Variants in TOM1L2 observed in about 807,000 individuals in gnomAD.
TOM1L2 encodes target of myb1 like 2 membrane trafficking protein.
A neutral mutation model predicts 67.9 loss-of-function variants in TOM1L2; 31 were observed. The observed-to-expected ratio is 0.46, with a 90% CI of 0.34 to 0.62. The LOEUF is 0.62. Among genes scored for constraint, TOM1L2 ranks in the 20% least tolerant of loss-of-function variants. The pLI is 0.01. For synonymous variants in TOM1L2, 256 were observed against 254.0 expected, an observed-to-expected ratio of 1.01 and a Z score of -0.07; for missense variants, 606 against 663.5, an observed-to-expected ratio of 0.91 and a Z score of 0.95.
chr17:17,888,127 T>A (rs1051221369), intron 4 of TOM1L2, among the ~76,000 whole-genome samples: 9 of 152,182 alleles, frequency 5.9e-5, no homozygotes, highest in African/African-American at 2.2e-4. Context: ...GAAAGCAAAG[T>A]GATGCAGCGG....
At chr17:17,965,138 G>C (rs2041830104) in intron 1 of TOM1L2, among the ~76,000 whole-genome samples, 1 of 151,800 alleles carries the variant, frequency 6.6e-6, no homozygotes, top group Admixed American at 6.6e-5. Flanking sequence ...TCATGGTAGA[G>C]AGAATGATCT....
chr17:17,971,036 A>T (rs2042053216), intron 1 of TOM1L2, among the ~76,000 whole-genome samples: 1 of 152,050 alleles, frequency 6.6e-6, no homozygotes, highest in Non-Finnish European at 1.5e-5. Flanking sequence ...CTTTACCTAC[A>T]CTTTGGGCTT....
intron 4 of TOM1L2, among the ~76,000 whole-genome samples, chr17:17,889,543 G>A (rs997812672): frequency 4.6e-5 from 7 of 152,198 alleles, no homozygotes; most frequent in Admixed American, 4.6e-4. Flanking sequence ...GCTTTGGCCA[G>A]CAGCTGGTAA....
At chr17:17,967,333 G>A (rs1464042292) in intron 1 of TOM1L2, among the ~76,000 whole-genome samples, 2 of 152,202 alleles carry the variant, frequency 1.3e-5, no homozygotes, top group Non-Finnish European at 2.9e-5. Flanking sequence ...ACTACTCACT[G>A]ATCTTTGAAT....
chr17:17,922,162 A>T (rs1410019199), intron 1 of TOM1L2, among the ~76,000 whole-genome samples: 1 of 152,210 alleles, frequency 6.6e-6, no homozygotes, highest in Non-Finnish European at 1.5e-5. Flanking sequence ...CATCCAGGAC[A>T]CAGGGCACAG....
At chr17:17,912,351 G>C (rs2039411803) in intron 1 of TOM1L2, among the ~76,000 whole-genome samples, 3 of 152,226 alleles carry the variant, frequency 2.0e-5, no homozygotes, top group South Asian at 4.1e-4. Context: ...TTCCCAGACG[G>C]GGTGGCTGCC....
At chr17:17,872,156 A>G in intron 7 of TOM1L2, 1 of 487,178 alleles carries the variant, frequency 2.1e-6, no homozygotes, top group Non-Finnish European at 2.7e-6. Context: ...AACACAGGGG[A>G]AACACTCATT....
intron 7 of TOM1L2, among the ~76,000 whole-genome samples, chr17:17,871,428 G>T (rs1046407423): frequency 4.0e-5 from 6 of 151,694 alleles, no homozygotes; most frequent in Non-Finnish European, 7.4e-5. Flanking sequence ...CCAGCACTTT[G>T]GGAGGCCGAG....
At chr17:17,891,604 G>A (rs1308991530) in intron 4 of TOM1L2, among the ~76,000 whole-genome samples, 2 of 152,168 alleles carry the variant, frequency 1.3e-5, no homozygotes, top group African/African-American at 2.4e-5. Flanking sequence ...TGCTGGGCCC[G>A]CCACCCTGCA....
At chr17:17,900,864 T>G (rs1389153990) in intron 2 of TOM1L2, among the ~76,000 whole-genome samples, 1 of 152,254 alleles carries the variant, frequency 6.6e-6, no homozygotes, top group East Asian at 1.9e-4. Flanking sequence ...CAGCATGGAC[T>G]GATTTCCTCT....
intron 12 of TOM1L2, among the ~76,000 whole-genome samples, chr17:17,852,461 C>T (rs912465083): frequency 1.3e-5 from 2 of 152,168 alleles, no homozygotes; most frequent in Non-Finnish European, 2.9e-5. Context: ...AACTTCGGAC[C>T]CAATGTGGGA....
intron 1 of TOM1L2, among the ~76,000 whole-genome samples, chr17:17,940,404 A>G (rs2079969948): frequency 6.6e-6 from 1 of 152,114 alleles, no homozygotes; most frequent in South Asian, 2.1e-4. Flanking sequence ...GAAAAGTATG[A>G]TAACTTGTCC....
chr17:17,930,780 G>A (rs1158174985), intron 1 of TOM1L2, among the ~76,000 whole-genome samples: 1 of 152,218 alleles, frequency 6.6e-6, no homozygotes, highest in Non-Finnish European at 1.5e-5. Context: ...GAACCAGAGA[G>A]ATAAGACAGT....
intron 1 of TOM1L2, among the ~76,000 whole-genome samples, chr17:17,962,862 G>A (rs2041743357): frequency 1.3e-5 from 2 of 151,984 alleles, no homozygotes; most frequent in African/African-American, 4.8e-5. Context: ...TTGGGAGGCT[G>A]AGGCAGGAGA....
In TOM1L2 at chr17:17,846,032, G is replaced by C. The variant is rs963711216; in HGVS notation, c.*1603C>G. The C allele has an allele frequency of 6.6e-6, 1 of 152,308 alleles. No individual in the cohort carries two copies. Among genetic ancestry groups the C allele is most frequent in the East Asian group, 1.9e-4 (1 of 5,202 alleles). 9.4% of individuals were successfully genotyped at this position (152,308 alleles called of 1,614,324 possible). A position where few individuals can be genotyped will look rare whatever the true frequency, so the allele number is the denominator to read the frequency against. ...CTAGCCTGGCACAGGGTCCTGGGTC[G>C]GGCAGCACTTGCTCTTCACTGGAAT... On this transcript the variant is annotated 3_prime_UTR_variant, in exon 15 of 15. Coordinates refer to ENST00000379504, the MANE Select transcript of TOM1L2 (RefSeq NM_001082968.2).
intron 1 of TOM1L2, among the ~76,000 whole-genome samples, chr17:17,948,695 A>G (rs545963786): frequency 2.0e-5 from 3 of 151,390 alleles, no homozygotes. Context: ...GCAGCCCCAG[A>G]GCACAGCCTT....
At chr17:17,880,156 G>A (rs936271164) in intron 6 of TOM1L2, among the ~76,000 whole-genome samples, 11 of 152,182 alleles carry the variant, frequency 7.2e-5, no homozygotes, top group African/African-American at 2.7e-4. Flanking sequence ...TCCCTTCAGA[G>A]CTGAGATCCT....
chr17:17,898,647 C>T lies in TOM1L2; in HGVS notation c.165G>A (p.Lys55=). The T allele has an allele frequency of 6.2e-7, 1 of 1,614,218 alleles. No individual in the cohort carries two copies. Among genetic ancestry groups the T allele is most frequent in the Non-Finnish European group, 8.5e-7 (1 of 1,180,046 alleles). ...EGPKDAIRAL[K]KRLNGNRNYR... The stretch of plus-strand genomic sequence containing the variant: ...AGTTCCGGTTCCCGTTGAGCCGCTT[C>T]TTCAGGGCTCGAATGGCATCCTTTG... Residue 55 remains lysine (K), a synonymous_variant, in exon 3 of 15, where the codon AAG becomes AAA. Coordinates refer to ENST00000379504, the MANE Select transcript of TOM1L2 (RefSeq NM_001082968.2).
chr17:17,873,591 C>T (rs1443838823), intron 7 of TOM1L2, among the ~76,000 whole-genome samples: 1 of 152,222 alleles, frequency 6.6e-6, no homozygotes, highest in Admixed American at 6.5e-5. Context: ...AACATGGCTA[C>T]AAATACTCCC....
Sources: allele counts gnomAD v4.1 joint callset (sites outside exome capture counted in the v4.1 genomes callset), GRCh38; gene constraint gnomAD v4.1.1; transcripts MANE v1.5; gene names NCBI Gene and HGNC (gene_info 2026-07-23, HGNC 2026-07-21).